The following PIAS1 variants were observed in gnomAD, a reference collection of about 807,000 sequenced individuals.
PIAS1 encodes the protein E3 SUMO-protein ligase PIAS1.
In PIAS1, 6 loss-of-function variants were observed where a neutral mutation model predicts 71.3. That is an observed-to-expected ratio of 0.08 (90% CI 0.05 to 0.17). The LOEUF (loss-of-function observed/expected upper bound fraction) is 0.17, where lower values mean the gene tolerates loss of function less well. PIAS1 is among the 10% of genes least tolerant of loss of function. The probability of loss-of-function intolerance (pLI) is 1.00; values close to 1 mark genes in which losing one functional copy is unlikely to be tolerated. For missense variants in PIAS1, 555 were observed against 793.6 expected (o/e 0.70, Z 3.61); for synonymous variants, 303 against 292.9 (o/e 1.03, Z -0.35).
chr15:68,145,749 A>G, intron 4 of PIAS1, 67 bp from the exon 5 acceptor site: 3 of 892,804 alleles, frequency 3.4e-6, no homozygotes, highest in East Asian at 2.5e-5. Flanking sequence ...AAATTTATCT[A>G]TTTAACAATA....
chr15:68,098,117 T>G (rs2092392078), intron 2 of PIAS1, among the ~76,000 whole-genome samples: 1 of 152,218 alleles, frequency 6.6e-6, no homozygotes, highest in African/African-American at 2.4e-5. Flanking sequence ...ACAAGGGGAT[T>G]GGGATGCCAC....
chr15:68,117,788 G>A (rs776857755), intron 2 of PIAS1, among the ~76,000 whole-genome samples: 29 of 152,100 alleles, frequency 1.9e-4, no homozygotes, highest in African/African-American at 7.0e-4. Flanking sequence ...TTCATATCTT[G>A]CGATTGTGAG....
In PIAS1 at chr15:68,093,075, G is replaced by A. The variant is rs1162397915; in HGVS notation, c.469+6325G>A. ...GACTTCGCAGTTTTAGATTATTTTAGCAAGAAGACTTAAAGGCTTTTATGA... is the reference window on the plus strand; with the variant it reads ...GACTTCGCAGTTTTAGATTATTTTAACAAGAAGACTTAAAGGCTTTTATGA... On this transcript the variant is annotated intron_variant, in intron 2 of 13. Transcript: ENST00000249636. 2.0e-5 allele frequency among the ~76,000 whole-genome samples: 3 copies of A among 152,138 alleles called. No homozygotes were observed. The East Asian group carries it at 5.8e-4, about 29-fold the overall frequency.
Position 68,178,935 on chromosome 15 carries a change from C to G in PIAS1, c.1482-2277C>G, listed in dbSNP as rs564465834. The stretch of plus-strand genomic sequence containing the variant: ...TATGTTTGGAAAATTACATTAAATG[C>G]ATTAAGTACTTCCTGAATTTCCCAG... On this transcript the variant is annotated intron_variant, in intron 11 of 13. Coordinates refer to ENST00000249636, the MANE Select transcript of PIAS1 (RefSeq NM_016166.3). The surrounding 1 kb of genome is among the most constrained non-coding windows in gnomAD (Gnocchi z 4.2). 1.2e-4 allele frequency among the ~76,000 whole-genome samples: 18 copies of G among 152,136 alleles called. No homozygotes were observed. The South Asian group carries it at 3.1e-3, about 26-fold the overall frequency.
chr15:68,095,874 A>T (rs1157213550), intron 2 of PIAS1, among the ~76,000 whole-genome samples: 1 of 152,146 alleles, frequency 6.6e-6, no homozygotes, highest in Non-Finnish European at 1.5e-5. Context: ...GCAGACCCCA[A>T]TAGCTCTGGG....
At chr15:68,070,172 A>G (rs1290182650) in intron 1 of PIAS1, among the ~76,000 whole-genome samples, 4 of 152,170 alleles carry the variant, frequency 2.6e-5, no homozygotes, top group Admixed American at 1.3e-4. Flanking sequence ...GTAAAATAAC[A>G]TCCATCTGCA....
At chr15:68,091,690 C>T (rs998521213) in intron 2 of PIAS1, among the ~76,000 whole-genome samples, 3 of 152,142 alleles carry the variant, frequency 2.0e-5, no homozygotes, top group African/African-American at 7.2e-5. Flanking sequence ...CAGAAATGCA[C>T]TTAATACACT....
chr15:68,136,279 G>C lies in PIAS1; in HGVS notation c.470-5667G>C, dbSNP rs1473228350. ...TGGGAGGTGGAGGTTGTAGCGAGCC[G>C]AGGTCACGCCACTGCACTCCAGCCT... On this transcript the variant is annotated intron_variant, in intron 2 of 13. Coordinates refer to ENST00000249636, the MANE Select transcript of PIAS1 (RefSeq NM_016166.3). Among the ~76,000 whole-genome samples the C allele has an allele frequency of 3.6e-5, 2 of 55,526 alleles. 1 individual carries two copies. The highest frequency in any genetic ancestry group is 1.4e-4 in the Non-Finnish European group (2 of 14,600). The allele number at this position is 55,526 out of a possible 152,430, so 36.4% of individuals were successfully genotyped here. A position where few individuals can be genotyped will look rare whatever the true frequency, so the allele number is the denominator to read the frequency against.
chr15:68,183,539 T>C, intron 12 of PIAS1, 91 bp from the exon 13 acceptor site: 1 of 627,032 alleles, frequency 1.6e-6, no homozygotes, highest in East Asian at 2.9e-5. Context: ...ACATAGCATA[T>C]AAGACTTGTA....
chr15:68,055,986 C>A, intron 1 of PIAS1: 2 of 687,880 alleles, frequency 2.9e-6, no homozygotes, highest in Non-Finnish European at 5.3e-6. Flanking sequence ...AGCAGATTTA[C>A]AATGGATGGT....
intron 11 of PIAS1, among the ~76,000 whole-genome samples, chr15:68,179,499 GT>G (rs1412644192): frequency 2.7e-5 from 4 of 147,566 alleles, no homozygotes; most frequent in African/African-American, 9.9e-5. Flanking sequence ...TCATTAAAAT[GT>G]GGTAGATGGT....
intron 2 of PIAS1, among the ~76,000 whole-genome samples, chr15:68,107,065 T>G (rs1247921689): frequency 6.6e-6 from 1 of 152,226 alleles, no homozygotes; most frequent in South Asian, 2.1e-4. Context: ...AACCATATTC[T>G]AAGAAGTCTA....
At chr15:68,101,990 C>T (rs1330688984) in intron 2 of PIAS1, among the ~76,000 whole-genome samples, 1 of 152,218 alleles carries the variant, frequency 6.6e-6, no homozygotes, top group Non-Finnish European at 1.5e-5. Flanking sequence ...CCCACCCCAG[C>T]CTACCAAAAC....
Position 68,086,408 on chromosome 15 carries a change from C to T in PIAS1, c.127C>T (p.His43Tyr). Residue 43 changes from histidine to tyrosine, a missense_variant, in exon 2 of 14, where the codon CAT (histidine) becomes TAT (tyrosine). Transcript: ENST00000249636. The surrounding 1 kb of genome is among the most constrained non-coding windows in gnomAD (Gnocchi z 7.2). ...ACACGAACTTCTCACAAAAGCCCTG[C>T]ATTTGCTAAAGGCTGGCTGTAGTCC... ...RKHELLTKALHLLKAGCSPAV... is the reference protein window; with the variant it reads ...RKHELLTKALYLLKAGCSPAV... 6.2e-7 allele frequency: 1 copy of T among 1,613,794 alleles called. No homozygotes were observed. Among genetic ancestry groups the T allele is most frequent in the Non-Finnish European group, 8.5e-7 (1 of 1,179,766 alleles).
At position 68,193,845 on chromosome 15, in the gene PIAS1, C is replaced by A. The variant is rs2093131138; in HGVS notation, c.*6010C>A. 3 of 584,142 alleles carry A rather than the reference C, an allele frequency of 5.1e-6. No homozygotes were observed. Among genetic ancestry groups the A allele is most frequent in the Admixed American group, 6.0e-5 (2 of 33,492 alleles). The allele number at this position is 584,142 out of a possible 1,614,324, so 36.2% of individuals were successfully genotyped here. ...ATCTTTTATTAAAGATCTACTCATACCATGGCTGAAATCATCTATTATTGT... is the reference window on the plus strand; with the variant it reads ...ATCTTTTATTAAAGATCTACTCATAACATGGCTGAAATCATCTATTATTGT... On this transcript the variant is annotated 3_prime_UTR_variant, in exon 14 of 14. Transcript: ENST00000249636.
In PIAS1 at chr15:68,190,546, T is replaced by C. The variant is rs1029702665; in HGVS notation, c.*2711T>C. 9 of 152,176 alleles carry C rather than the reference T, an allele frequency of 5.9e-5. No homozygotes were observed. Among genetic ancestry groups the C allele is most frequent in the Admixed American group, 5.2e-4 (8 of 15,270 alleles). 9.4% of individuals were successfully genotyped at this position (152,176 alleles called of 1,614,324 possible). On this transcript the variant is annotated 3_prime_UTR_variant, in exon 14 of 14. Transcript: ENST00000249636. The surrounding 1 kb of genome is among the most constrained non-coding windows in gnomAD (Gnocchi z 4.7). ...CATTGACATGCTATCTGTGGACAAA[T>C]AGCAGTTCTCAGAATCTAGTCAAGT...
Position 68,191,823 on chromosome 15 carries a change from G to A in PIAS1, c.*3988G>A, listed in dbSNP as rs1387114457. 6.6e-6 allele frequency: 1 copy of A among 152,106 alleles called. No homozygotes were observed. Among genetic ancestry groups the A allele is most frequent in the Non-Finnish European group, 1.5e-5 (1 of 68,034 alleles). The allele number at this position is 152,106 out of a possible 1,614,324, so 9.4% of individuals were successfully genotyped here. On this transcript the variant is annotated 3_prime_UTR_variant, in exon 14 of 14. Coordinates refer to ENST00000249636, the MANE Select transcript of PIAS1 (RefSeq NM_016166.3). ...AGGAGTAAGGTAACAGCCCTTCCTC[G>A]GGTAGAGGTTTGAATCAAACACTTA...
intron 2 of PIAS1, among the ~76,000 whole-genome samples, chr15:68,104,934 A>G (rs936679096): frequency 6.6e-6 from 1 of 152,224 alleles, no homozygotes; most frequent in Non-Finnish European, 1.5e-5. Flanking sequence ...TTGCTATTGA[A>G]TGAAGAAAAT....
rs376205011 is a variant in PIAS1, at chr15:68,140,630, A to G, written c.470-1316A>G. Among the ~76,000 whole-genome samples, 5 of 152,336 alleles carry G rather than the reference A, an allele frequency of 3.3e-5. No homozygotes were observed. In the East Asian group the frequency reaches 7.7e-4, roughly 23 times the overall value. On this transcript the variant is annotated intron_variant, in intron 2 of 13. Transcript: ENST00000249636. ...AATGTTGAGATAGAATTCTAGATCAACAAGTGCTCTTTTCTATTTCTTTCT... is the reference window on the plus strand; with the variant it reads ...AATGTTGAGATAGAATTCTAGATCAGCAAGTGCTCTTTTCTATTTCTTTCT...
Sources: gnomAD v4.1 joint callset for allele counts (sites outside exome capture counted in the v4.1 genomes callset) on GRCh38, gnomAD v4.1.1 for gene constraint, Gnocchi (gnomAD v3.1) non-coding constraint, MANE v1.5 for transcripts, NCBI Gene and HGNC (gene_info 2026-07-23, HGNC 2026-07-21) for gene names.